CPEB3: variants seen among roughly 807,000 people sequenced by gnomAD.
The protein encoded by CPEB3 is cytoplasmic polyadenylation element-binding protein 3.
Under a neutral mutation model 67.2 loss-of-function variants are expected in CPEB3, and 20 were observed. The observed-to-expected ratio is 0.30, with a 90% confidence interval of 0.21 to 0.43. The LOEUF (loss-of-function observed/expected upper bound fraction) is 0.43, where lower values mean the gene tolerates loss of function less well. Ranked by LOEUF, CPEB3 falls within the 20% of genes least tolerant of loss-of-function variation. The pLI, the probability that CPEB3 is intolerant of heterozygous loss-of-function variation, is 1.00. For missense variants in CPEB3, 746 were observed against 968.6 expected (o/e 0.77, Z 3.05); for synonymous variants, 376 against 393.1 (o/e 0.96, Z 0.51).
At chr10:92,143,757 C>T (rs1299283669) in intron 5 of CPEB3, among the ~76,000 whole-genome samples, 1 of 152,120 alleles carries the variant, frequency 6.6e-6, no homozygotes, top group African/African-American at 2.4e-5. Flanking sequence ...TAGGGTACCA[C>T]TCTCTCAGCC....
chr10:92,268,857 T>C (rs991804217), intron 1 of CPEB3, among the ~76,000 whole-genome samples: 1 of 152,066 alleles, frequency 6.6e-6, no homozygotes, highest in African/African-American at 2.4e-5. Context: ...ATAGGTTGAG[T>C]TCCTTGGAAA....
chr10:92,225,954 G>A (rs1248222255), intron 2 of CPEB3, among the ~76,000 whole-genome samples: 3 of 152,076 alleles, frequency 2.0e-5, no homozygotes, highest in Non-Finnish European at 4.4e-5. Flanking sequence ...AAAATTAGCC[G>A]GGCGTGGTGG....
At chr10:92,233,424 C>T (rs1851368941) in intron 2 of CPEB3, among the ~76,000 whole-genome samples, 2 of 151,654 alleles carry the variant, frequency 1.3e-5, no homozygotes, top group Admixed American at 1.3e-4. Flanking sequence ...GTAATCCCAG[C>T]TACCAGGGAG....
chr10:92,248,060 A>T (rs2134756467), intron 1 of CPEB3, among the ~76,000 whole-genome samples: 1 of 152,304 alleles, frequency 6.6e-6, no homozygotes, highest in South Asian at 2.1e-4. Context: ...TGAGATACAT[A>T]GTTATTCCTC....
chr10:92,147,103 G>A (rs1176051749), intron 4 of CPEB3, among the ~76,000 whole-genome samples: 1 of 152,144 alleles, frequency 6.6e-6, no homozygotes, highest in Non-Finnish European at 1.5e-5. Context: ...GGAAAATAAT[G>A]CGTACGTTAT....
intron 4 of CPEB3, among the ~76,000 whole-genome samples, chr10:92,176,891 A>G (rs1848245175): frequency 6.6e-6 from 1 of 152,264 alleles, no homozygotes; most frequent in African/African-American, 2.4e-5. Flanking sequence ...CATGTGGCCC[A>G]AGACGGCTTT....
At chr10:92,153,527 T>C (rs1847061559) in intron 4 of CPEB3, among the ~76,000 whole-genome samples, 1 of 152,138 alleles carries the variant, frequency 6.6e-6, no homozygotes, top group Non-Finnish European at 1.5e-5. Flanking sequence ...GGCTCATGCC[T>C]ATAATCCCAG....
At chr10:92,072,495 A>G (rs565871071) in intron 9 of CPEB3, among the ~76,000 whole-genome samples, 1 of 152,282 alleles carries the variant, frequency 6.6e-6, no homozygotes, top group South Asian at 2.1e-4. Flanking sequence ...CATTTCTTCA[A>G]CTGTCATGGT....
chr10:92,079,991 G>C (rs1843077085), intron 9 of CPEB3, among the ~76,000 whole-genome samples: 2 of 151,640 alleles, frequency 1.3e-5, no homozygotes. Flanking sequence ...ACGAGGTCAG[G>C]AGATCGAGAC....
intron 9 of CPEB3, among the ~76,000 whole-genome samples, chr10:92,057,032 T>G (rs1842137311): frequency 6.6e-6 from 1 of 152,200 alleles, no homozygotes; most frequent in African/African-American, 2.4e-5. Context: ...ATTCATTACC[T>G]GCTAGCTGAA....
chr10:92,102,309 TC>T (rs1292938909), intron 7 of CPEB3, among the ~76,000 whole-genome samples: 1 of 152,130 alleles, frequency 6.6e-6, no homozygotes, highest in Non-Finnish European at 1.5e-5. Flanking sequence ...AGACTATTCC[TC>T]CCATTCCCTA....
chr10:92,251,392 T>G (rs1206157170), intron 1 of CPEB3, among the ~76,000 whole-genome samples: 1 of 148,792 alleles, frequency 6.7e-6, no homozygotes, highest in East Asian at 2.0e-4. Flanking sequence ...TCTCCTCTTC[T>G]CTCTCTCTCT....
intron 4 of CPEB3, among the ~76,000 whole-genome samples, chr10:92,155,075 G>A (rs757997600): frequency 2.6e-5 from 4 of 152,088 alleles, no homozygotes; most frequent in African/African-American, 2.4e-5. Context: ...CGGGTATGGC[G>A]GTGCATGCTT....
At chr10:92,172,998 C>T (rs1848074284) in intron 4 of CPEB3, among the ~76,000 whole-genome samples, 1 of 152,196 alleles carries the variant, frequency 6.6e-6, no homozygotes, top group African/African-American at 2.4e-5. Flanking sequence ...GTGCTTTTCA[C>T]AGTCACACTG....
At chr10:92,232,209 C>A (rs1851302964) in intron 2 of CPEB3, among the ~76,000 whole-genome samples, 1 of 150,996 alleles carries the variant, frequency 6.6e-6, no homozygotes, top group African/African-American at 2.4e-5. Flanking sequence ...CCCACCACCA[C>A]ACCCAGCTAA....
intron 7 of CPEB3, among the ~76,000 whole-genome samples, chr10:92,104,166 A>G (rs1308594048): frequency 1.3e-5 from 2 of 152,178 alleles, no homozygotes; most frequent in Non-Finnish European, 2.9e-5. Context: ...TTAAAAGACA[A>G]AATGGATATA....
chr10:92,185,041 C>T (rs899666141), intron 3 of CPEB3, among the ~76,000 whole-genome samples: 5 of 152,058 alleles, frequency 3.3e-5, no homozygotes, highest in African/African-American at 1.2e-4. Context: ...AAACTGATTC[C>T]AAATTCAGAA....
At chr10:92,148,862 T>C (rs1386479810) in intron 4 of CPEB3, among the ~76,000 whole-genome samples, 1 of 152,010 alleles carries the variant, frequency 6.6e-6, no homozygotes, top group African/African-American at 2.4e-5. Flanking sequence ...TGGAAAATTA[T>C]TTTCCCATTT....
At chr10:92,155,549 A>G (rs910279250) in intron 4 of CPEB3, among the ~76,000 whole-genome samples, 9 of 152,232 alleles carry the variant, frequency 5.9e-5, no homozygotes, top group African/African-American at 2.2e-4. Flanking sequence ...TTTAAGGAAG[A>G]TGACTTCTTT....
Sources: allele counts gnomAD v4.1 joint callset (sites outside exome capture counted in the v4.1 genomes callset), GRCh38; gene constraint gnomAD v4.1.1; transcripts MANE v1.5; gene names NCBI Gene and HGNC (gene_info 2026-07-23, HGNC 2026-07-21).